UBA1: variants seen among roughly 807,000 people sequenced by gnomAD.
The protein encoded by UBA1 is ubiquitin like modifier activating enzyme 1.
UBA1 carries 4 observed loss-of-function variants against 84.7 expected under a neutral mutation model. The observed-to-expected ratio is 0.05, with a 90% confidence interval of 0.02 to 0.11. The LOEUF (loss-of-function observed/expected upper bound fraction) is 0.11. Ranked by LOEUF, UBA1 falls within the 10% of genes least tolerant of loss-of-function variation. The pLI is 1.00. For missense variants in UBA1, 513 were observed against 902.8 expected (o/e 0.57, Z 5.53); for synonymous variants, 364 against 362.6 (o/e 1.00, Z -0.04).
rs1556793279 is a variant in UBA1 at position 47,211,152 on chromosome X, C to T, written c.2391C>T (p.Pro797=). 1.2e-5 allele frequency: 14 copies of T among 1,211,676 alleles called. No homozygotes were observed. The South Asian group carries it at 1.2e-4, about 11-fold the overall frequency. Residue 797 remains proline, a synonymous_variant, in exon 20 of 26, where the codon CCC becomes CCT. Coordinates refer to ENST00000335972, the MANE Select transcript of UBA1 (RefSeq NM_003334.4). ...VATFLQSVQV[P]EFTPKSGVKI... ...CATTCCTGCAGTCTGTGCAGGTCCC[C>T]GAATTCACCCCCAAGTCTGGCGTCA...
rs1408002480 is a variant in UBA1 at position 47,211,036 on chromosome X, C to A, written c.2275C>A (p.Pro759Thr). The change falls in exon 20 of 26, where the codon CCC becomes ACC. Residue 759 changes from proline (P) to threonine (T), a missense_variant and splice_region_variant. By Grantham distance (38) the Pro-to-Thr change is conservative. This residue lies in a region of UBA1 where 151 missense variants were observed against 260.1 expected (regional missense o/e 0.58). Transcript: ENST00000335972. ...PHPLTFDVNN[P>T]LHLDYVMAAA... Reference sequence around the variant, plus strand: ...CCTTCCCTGCCCTGCCTTCTCCTAGCCCCTGCATCTGGACTATGTGATGGC... The same window carrying A: ...CCTTCCCTGCCCTGCCTTCTCCTAGACCCTGCATCTGGACTATGTGATGGC... The A allele has an allele frequency of 8.3e-7, 1 of 1,209,822 alleles. No homozygotes were observed. The highest frequency in any genetic ancestry group is 3.0e-5 in the East Asian group (1 of 33,769).
At chrX:47,212,130 T>A (rs188270661) in intron 20 of UBA1, among the ~76,000 whole-genome samples, 1 of 108,814 alleles carries the variant, frequency 9.2e-6, no homozygotes, top group East Asian at 2.9e-4. Context: ...CCAAGATCTT[T>A]ACGTCTCCCA....
At chrX:47,197,051 A>T (rs1216082745) in intron 1 of UBA1, 1 of 715,542 alleles carries the variant, frequency 1.4e-6, no homozygotes, top group African/African-American at 2.3e-5. Context: ...GTAAATGGAA[A>T]ATATGGTTCA....
At chrX:47,201,165 C>A in intron 6 of UBA1, 111 bp from the exon 7 acceptor site, 1 of 828,018 alleles carries the variant, frequency 1.2e-6, no homozygotes, top group Non-Finnish European at 1.8e-6. Flanking sequence ...TCTTACATCC[C>A]AGCAGTGATA....
chrX:47,194,135 A>T (rs1189426107), intron 1 of UBA1, 111 bp downstream of exon 1: 2 of 112,175 alleles, frequency 1.8e-5, no homozygotes, highest in Non-Finnish European at 1.9e-5. Context: ...CTCGGGAGCC[A>T]GGAATCAGCG....
chrX:47,198,195 C>G, intron 1 of UBA1: 1 of 978,115 alleles, frequency 1.0e-6, no homozygotes, highest in Non-Finnish European at 1.3e-6. Context: ...ATCATGCCAC[C>G]CTGATGGATG....
intron 24 of UBA1, 35 bp downstream of exon 24, chrX:47,214,463 A>G: frequency 8.3e-7 from 1 of 1,199,106 alleles, no homozygotes. Context: ...ACCCCACCTC[A>G]GGGGGCGAGG....
rs1937075495 is a variant in UBA1, at chrX:47,214,742, C to T, written c.3042-52C>T. On this transcript the variant is annotated intron_variant, in intron 25 of 25. Transcript: ENST00000335972. Reference sequence around the variant, plus strand: ...CACTGCCCCTACCTACCTGCCCATCCTCTCTTGCTTTCTGCCCTCCTGACC... The same window carrying T: ...CACTGCCCCTACCTACCTGCCCATCTTCTCTTGCTTTCTGCCCTCCTGACC... The T allele has an allele frequency of 4.2e-6, 5 of 1,204,696 alleles. No homozygotes were observed. In the African/African-American group the frequency reaches 7.0e-5, roughly 17 times the overall value.
At position 47,211,125 on chromosome X, in the gene UBA1, C is replaced by T. The variant is rs2228658; in HGVS notation, c.2364C>T (p.Ala788=). The change falls in exon 20 of 26, where the codon GCC becomes GCT. Residue 788 remains alanine, a synonymous_variant. Transcript: ENST00000335972. ...GCTCTCAGGACCGAGCTGCTGTGGC[C>T]ACATTCCTGCAGTCTGTGCAGGTCC... is the stretch of plus-strand genomic sequence containing the variant. ...LTGSQDRAAV[A]TFLQSVQVPE... 9.8e-4 allele frequency: 1,181 copies of T among 1,210,213 alleles called. 11 individuals are homozygous for T. In the African/African-American group the frequency reaches 0.019, roughly 19 times the overall value.
intron 5 of UBA1, 65 bp from the exon 6 acceptor site, chrX:47,200,829 C>T (rs1052273088): frequency 1.2e-5 from 11 of 943,246 alleles, no homozygotes; most frequent in Admixed American, 5.2e-5. Context: ...CTGAGTCCTC[C>T]ACACCAGCCC....
chrX:47,213,653 G>A lies in UBA1; in HGVS notation c.2838+472G>A, dbSNP rs1212369094. ...GGCCGAGGCACGTGGTTCACCTGAA[G>A]TCAGGAGTTTGAGACCAGCCTGGCC... On this transcript the variant is annotated intron_variant, in intron 23 of 25. Transcript: ENST00000335972. Among the ~76,000 whole-genome samples, 37 of 112,308 alleles carry A rather than the reference G, an allele frequency of 3.3e-4. No individual in the cohort carries two copies. The Admixed American group carries it at 3.4e-3, about 10-fold the overall frequency.
At chrX:47,199,000 T>C in intron 2 of UBA1, 48 bp from the exon 3 acceptor site, 1 of 1,206,670 alleles carries the variant, frequency 8.3e-7, no homozygotes, top group Non-Finnish European at 1.1e-6. Context: ...CTATCCATGC[T>C]CCACTCCTGT....
At chrX:47,197,007 A>C in intron 1 of UBA1, 1 of 488,255 alleles carries the variant, frequency 2.0e-6, no homozygotes, top group Non-Finnish European at 2.5e-6. Context: ...CTCAGAGGAA[A>C]TGAGATCTCT....
chrX:47,199,784 C>T (rs1211716742), intron 5 of UBA1, among the ~76,000 whole-genome samples, 170 bp downstream of exon 5: 6 of 107,953 alleles, frequency 5.6e-5, no homozygotes, highest in East Asian at 5.9e-4. Context: ...CTTTTCTTTT[C>T]TTCTTTTTTT....
upstream of UBA1, among the ~76,000 whole-genome samples, chrX:47,192,375 G>A (rs1035699536): frequency 9.0e-6 from 1 of 111,400 alleles, no homozygotes; most frequent in African/African-American, 3.3e-5. Flanking sequence ...CCATCGCAAG[G>A]TAAGTTGCTG....
chrX:47,194,178 G>C (rs1009033374), intron 1 of UBA1, among the ~76,000 whole-genome samples, 154 bp downstream of exon 1: 1 of 111,833 alleles, frequency 8.9e-6, no homozygotes, highest in Admixed American at 9.4e-5. Context: ...CTGGGGCGGG[G>C]CCGACTTTCC....
chrX:47,206,712 A>T, intron 16 of UBA1: 1 of 393,147 alleles, frequency 2.5e-6, no homozygotes, highest in Non-Finnish European at 4.5e-6. Context: ...TTCCTCACCT[A>T]AATTTAACAA....
rs1272054585 is a variant in UBA1 at position 47,197,923 on chromosome X, C to T, written c.1-880C>T. The T allele has an allele frequency of 6.3e-6, 5 of 791,107 alleles. No individual in the cohort carries two copies. The South Asian group carries it at 1.9e-4, about 30-fold the overall frequency. 65.2% of individuals were successfully genotyped at this position (791,107 alleles called of 1,213,427 possible). ...GGAGTACCCTGAGGACAGAGTGAGA[C>T]GAGGTTTAGAGAAGTGCTTACTATG... On this transcript the variant is annotated intron_variant, in intron 1 of 25. Transcript: ENST00000335972.
intron 1 of UBA1, chrX:47,197,743 A>G (rs1366359419): frequency 1.9e-6 from 1 of 531,784 alleles, no homozygotes; most frequent in African/African-American, 2.6e-5. Context: ...ATGAAACGTG[A>G]TAACACGAGG....
Sources: gnomAD v4.1 joint callset for allele counts (sites outside exome capture counted in the v4.1 genomes callset) on GRCh38, gnomAD v4.1.1 for gene constraint, gnomAD v4.1.1 regional missense constraint, MANE v1.5 for transcripts, NCBI Gene and HGNC (gene_info 2026-07-23, HGNC 2026-07-21) for gene names.